EXOC6B: variants seen among roughly 807,000 people sequenced by gnomAD.
The protein encoded by EXOC6B is exocyst complex component 6B.
Under a neutral mutation model 113.5 loss-of-function variants are expected in EXOC6B, and 54 were observed. The observed-to-expected ratio is 0.48, with a 90% CI of 0.38 to 0.60. EXOC6B has a LOEUF of 0.60. EXOC6B is among the 20% of genes least tolerant of loss of function. The pLI, the probability that EXOC6B is intolerant of heterozygous loss-of-function variation, is 0.00. For synonymous variants in EXOC6B, 357 were observed against 339.0 expected, an observed-to-expected ratio of 1.05 and a Z score of -0.58; for missense variants, 797 against 977.5, an observed-to-expected ratio of 0.82 and a Z score of 2.46.
intron 1 of EXOC6B, among the ~76,000 whole-genome samples, chr2:72,744,271 T>C (rs1368469935): frequency 1.3e-5 from 2 of 152,322 alleles, no homozygotes; most frequent in East Asian, 3.9e-4. Context: ...CATATGACTG[T>C]ACATGTTTGG....
intron 15 of EXOC6B, among the ~76,000 whole-genome samples, chr2:72,493,244 T>G (rs1047804017): frequency 2.0e-5 from 3 of 151,766 alleles, no homozygotes; most frequent in African/African-American, 7.3e-5. Context: ...GTTTTCGGAC[T>G]ACTTAGTTTC....
intron 6 of EXOC6B, among the ~76,000 whole-genome samples, chr2:72,617,583 C>T (rs914077769): frequency 5.6e-5 from 7 of 124,894 alleles, no homozygotes; most frequent in African/African-American, 1.2e-4. Context: ...AGTGCAAAGG[C>T]GCGATCTCAG....
At chr2:72,304,299 TGTGA>T (rs1286513024) in intron 20 of EXOC6B, among the ~76,000 whole-genome samples, 2 of 152,232 alleles carry the variant, frequency 1.3e-5, no homozygotes, top group Non-Finnish European at 2.9e-5. Flanking sequence ...CTTGTACATA[TGTGA>T]GTATTTCCTT....
chr2:72,379,720 C>A lies in EXOC6B; in HGVS notation c.2122+9G>T, dbSNP rs1691570530. ...AGATAAACAAGCACAGGGATGGTCA[C>A]TGTCTTACGTTCACATTCTCTGACG... On this transcript the variant is annotated intron_variant, in intron 19 of 21. Coordinates refer to ENST00000272427, the MANE Select transcript of EXOC6B (RefSeq NM_015189.3). 5.0e-6 allele frequency: 8 copies of A among 1,604,264 alleles called. No individual in the cohort carries two copies. The highest frequency in any genetic ancestry group is 6.8e-6 in the Non-Finnish European group (8 of 1,174,124).
chr2:72,752,767 T>C (rs1682139080), intron 1 of EXOC6B, among the ~76,000 whole-genome samples: 1 of 152,116 alleles, frequency 6.6e-6, no homozygotes, highest in Admixed American at 6.6e-5. Context: ...AATTGTCAAA[T>C]CAAATATTCA....
chr2:72,676,073 A>G (rs1238986986), intron 6 of EXOC6B, among the ~76,000 whole-genome samples: 1 of 151,682 alleles, frequency 6.6e-6, no homozygotes, highest in South Asian at 2.1e-4. Flanking sequence ...ATGAAGGCAT[A>G]TGGCATGAAC....
At chr2:72,461,998 C>G (rs761675426) in intron 18 of EXOC6B, 1 of 151,958 alleles carries the variant, frequency 6.6e-6, no homozygotes, top group Non-Finnish European at 1.5e-5. Context: ...AAATGAATTT[C>G]AGAATGATTT....
chr2:72,308,530 C>G (rs1687017318), intron 20 of EXOC6B, among the ~76,000 whole-genome samples: 1 of 152,142 alleles, frequency 6.6e-6, no homozygotes, highest in Non-Finnish European at 1.5e-5. Context: ...ATGAGAATAA[C>G]AGTAGTATTT....
At chr2:72,555,367 C>T (rs1703480200) in intron 8 of EXOC6B, among the ~76,000 whole-genome samples, 1 of 152,178 alleles carries the variant, frequency 6.6e-6, no homozygotes, top group Admixed American at 6.5e-5. Context: ...TTTACACTTC[C>T]ACCAACAGTG....
At chr2:72,339,493 G>T (rs1688903190) in intron 19 of EXOC6B, among the ~76,000 whole-genome samples, 1 of 152,128 alleles carries the variant, frequency 6.6e-6, no homozygotes, top group African/African-American at 2.4e-5. Flanking sequence ...GTTACTGGGA[G>T]ACTGAATCAA....
At chr2:72,514,746 C>T in intron 9 of EXOC6B, 66 bp from the exon 10 acceptor site, 6 of 992,210 alleles carry the variant, frequency 6.0e-6, no homozygotes, top group Non-Finnish European at 6.0e-6. Context: ...AAGTTAAAAT[C>T]AGTCACTTAA....
chr2:72,564,368 T>C lies in EXOC6B; in HGVS notation c.847-4847A>G, dbSNP rs569504219. On this transcript the variant is annotated intron_variant, in intron 7 of 21. Coordinates refer to ENST00000272427, the MANE Select transcript of EXOC6B (RefSeq NM_015189.3). ...CATCCAAAAAGAGTTTGACAGAGATTTGCAAGGAATTTAGATATCTTTCTC... is the reference window on the plus strand; with the variant it reads ...CATCCAAAAAGAGTTTGACAGAGATCTGCAAGGAATTTAGATATCTTTCTC... 7.9e-5 allele frequency among the ~76,000 whole-genome samples: 12 copies of C among 152,332 alleles called. 1 individual carries two copies. The South Asian group carries it at 2.5e-3, about 32-fold the overall frequency.
intron 1 of EXOC6B, among the ~76,000 whole-genome samples, chr2:72,818,679 ACT>A (rs1686414373): frequency 6.6e-6 from 1 of 151,456 alleles, no homozygotes; most frequent in Non-Finnish European, 1.5e-5. Flanking sequence ...CAGAATAAAA[ACT>A]CTCCTGTACC....
intron 6 of EXOC6B, among the ~76,000 whole-genome samples, chr2:72,621,423 A>G (rs999593195): frequency 6.6e-6 from 1 of 152,180 alleles, no homozygotes; most frequent in African/African-American, 2.4e-5. Context: ...CAAATACTGC[A>G]TGTTCTAACT....
chr2:72,443,334 A>AG (rs1470265968), intron 18 of EXOC6B, among the ~76,000 whole-genome samples: 6 of 151,372 alleles, frequency 4.0e-5, no homozygotes, highest in East Asian at 1.9e-4. Context: ...AAAAAAAAAA[A>AG]AAAGAAAGAA....
At chr2:72,396,552 A>C (rs568359110) in intron 18 of EXOC6B, among the ~76,000 whole-genome samples, 7 of 152,306 alleles carry the variant, frequency 4.6e-5, no homozygotes, top group South Asian at 4.2e-4. Flanking sequence ...GATCCTAAGC[A>C]AAAGACAAAA....
intron 21 of EXOC6B, among the ~76,000 whole-genome samples, chr2:72,181,392 T>C (rs1678081455): frequency 6.6e-6 from 1 of 152,046 alleles, no homozygotes; most frequent in Admixed American, 6.5e-5. Flanking sequence ...CGAGGGTCCT[T>C]AAGACTCTGA....
chr2:72,704,694 A>T (rs974598060), intron 6 of EXOC6B, among the ~76,000 whole-genome samples: 2 of 151,658 alleles, frequency 1.3e-5, no homozygotes, highest in African/African-American at 4.8e-5. Context: ...GGAATACTAC[A>T]AACACCTCTA....
At chr2:72,652,762 G>A (rs1426741082) in intron 6 of EXOC6B, among the ~76,000 whole-genome samples, 1 of 147,302 alleles carries the variant, frequency 6.8e-6, no homozygotes, top group African/African-American at 2.5e-5. Flanking sequence ...TATAAAATAT[G>A]TAGTAATATA....
Sources: gnomAD v4.1 joint callset for allele counts (sites outside exome capture counted in the v4.1 genomes callset) on GRCh38, gnomAD v4.1.1 for gene constraint, MANE v1.5 for transcripts, NCBI Gene and HGNC (gene_info 2026-07-23, HGNC 2026-07-21) for gene names.